CSMD1: variants seen among roughly 807,000 people sequenced by gnomAD.
The protein encoded by CSMD1 is CUB and Sushi multiple domains 1, also known as CUB and sushi domain-containing protein 1.
Under a neutral mutation model 417.5 loss-of-function variants are expected in CSMD1, and 213 were observed. That is an observed-to-expected ratio of 0.51 (90% CI 0.46 to 0.57). CSMD1 has a LOEUF of 0.57. Ranked by LOEUF, CSMD1 falls within the 20% of genes least tolerant of loss-of-function variation. CSMD1 has a pLI of 0.00. For missense variants in CSMD1, 6,923 were observed against 4,529.7 expected (o/e 1.53, Z -15.17); for synonymous variants, 2,862 against 1,736.8 (o/e 1.65, Z -16.11).
chr8:3,100,097 G>A (rs949781221), intron 46 of CSMD1, among the ~76,000 whole-genome samples: 4 of 152,006 alleles, frequency 2.6e-5, no homozygotes, highest in Non-Finnish European at 4.4e-5. Context: ...CCCAAGCCAG[G>A]CTGGAGGGCA....
At chr8:4,938,907 C>G (rs368189972) in intron 1 of CSMD1, among the ~76,000 whole-genome samples, 2 of 152,276 alleles carry the variant, frequency 1.3e-5, no homozygotes, top group African/African-American at 4.8e-5. Context: ...CGTTGAACCT[C>G]TTTTCATATA....
chr8:3,647,037 T>G (rs1797610922), intron 7 of CSMD1, among the ~76,000 whole-genome samples: 1 of 152,198 alleles, frequency 6.6e-6, no homozygotes, highest in Non-Finnish European at 1.5e-5. Flanking sequence ...CCACTTCTGG[T>G]GCTTCTTGCG....
At chr8:4,898,826 G>C (rs534914891) in intron 1 of CSMD1, among the ~76,000 whole-genome samples, 1 of 152,102 alleles carries the variant, frequency 6.6e-6, no homozygotes, top group Non-Finnish European at 1.5e-5. Context: ...TTAATCAAAA[G>C]TTGTGGCAGG....
chr8:4,683,804 A>G (rs770379622), intron 1 of CSMD1, among the ~76,000 whole-genome samples: 3 of 152,222 alleles, frequency 2.0e-5, no homozygotes, highest in Non-Finnish European at 4.4e-5. Flanking sequence ...ACAAGAAAAA[A>G]TGGCAGTAAA....
At chr8:4,689,454 T>C (rs1806614890) in intron 1 of CSMD1, among the ~76,000 whole-genome samples, 1 of 152,242 alleles carries the variant, frequency 6.6e-6, no homozygotes, top group Admixed American at 6.5e-5. Flanking sequence ...GCATTTATAT[T>C]AGAAGGATTT....
rs1585110432 is a variant in CSMD1 at position 3,708,339 on chromosome 8, GCTT to G, written c.1009+72_1009+74del. ...CGTGGGGAAGGTGGTGGGTGGGATC[GCTT>G]CTTAACTGCTCCATTCTCTCCTCTG... On this transcript the variant is annotated intron_variant, in intron 7 of 69. Transcript: ENST00000635120. The G allele has an allele frequency of 2.5e-6, 3 of 1,219,230 alleles. No individual in the cohort carries two copies. In the East Asian group the frequency reaches 7.0e-5, roughly 28 times the overall value. 75.5% of individuals were successfully genotyped at this position (1,219,230 alleles called of 1,614,324 possible). A position where few individuals can be genotyped will look rare whatever the true frequency, so the allele number is the denominator to read the frequency against.
At chr8:3,078,651 G>T (rs923413683) in intron 49 of CSMD1, among the ~76,000 whole-genome samples, 1 of 152,126 alleles carries the variant, frequency 6.6e-6, no homozygotes, top group African/African-American at 2.4e-5. Context: ...TAAAGACAAA[G>T]AATATGCCAC....
chr8:3,570,722 T>C (rs1730202579), intron 10 of CSMD1, among the ~76,000 whole-genome samples: 1 of 152,156 alleles, frequency 6.6e-6, no homozygotes, highest in South Asian at 2.1e-4. Context: ...CAGCCAAAAA[T>C]ACCCTATGGA....
intron 5 of CSMD1, among the ~76,000 whole-genome samples, chr8:3,926,192 T>G (rs1370839943): frequency 3.9e-5 from 6 of 152,100 alleles, no homozygotes; most frequent in Non-Finnish European, 5.9e-5. Context: ...TTCCCAGACA[T>G]GATTTTAAGT....
intron 3 of CSMD1, among the ~76,000 whole-genome samples, chr8:4,376,748 G>A (rs1010538184): frequency 1.3e-5 from 2 of 152,152 alleles, no homozygotes; most frequent in African/African-American, 4.8e-5. Flanking sequence ...TATTCACCCA[G>A]CTGCAATATT....
chr8:4,579,880 T>C (rs892799403), intron 2 of CSMD1, among the ~76,000 whole-genome samples: 1 of 152,192 alleles, frequency 6.6e-6, no homozygotes, highest in Non-Finnish European at 1.5e-5. Context: ...TACCTAGTTT[T>C]CCTAAGTCTT....
At chr8:4,678,765 T>A (rs902240338) in intron 1 of CSMD1, among the ~76,000 whole-genome samples, 5 of 152,174 alleles carry the variant, frequency 3.3e-5, no homozygotes, top group Non-Finnish European at 7.3e-5. Flanking sequence ...ACAGGAAAGT[T>A]GTCTCTCGTC....
At chr8:3,260,222 G>T (rs895840774) in intron 26 of CSMD1, among the ~76,000 whole-genome samples, 2 of 152,160 alleles carry the variant, frequency 1.3e-5, no homozygotes, top group Non-Finnish European at 1.5e-5. Context: ...AACTCTTTAT[G>T]CATATAACTA....
chr8:4,779,185 C>G (rs143847673), intron 1 of CSMD1, among the ~76,000 whole-genome samples: 9 of 152,266 alleles, frequency 5.9e-5, no homozygotes, highest in African/African-American at 1.9e-4. Flanking sequence ...CCAGTGGTGG[C>G]AAACATATGC....
At chr8:4,944,753 T>C (rs921982156) in intron 1 of CSMD1, among the ~76,000 whole-genome samples, 2 of 151,906 alleles carry the variant, frequency 1.3e-5, no homozygotes, top group African/African-American at 2.4e-5. Context: ...AAATAGCAAC[T>C]GTTGGCGAGG....
intron 6 of CSMD1, among the ~76,000 whole-genome samples, chr8:3,738,887 A>T: frequency 6.6e-6 from 1 of 152,202 alleles, no homozygotes; most frequent in East Asian, 1.9e-4. Context: ...TTTCATTCAT[A>T]GTCTCGAAAT....
intron 1 of CSMD1, among the ~76,000 whole-genome samples, chr8:4,749,635 T>A (rs1811178320): frequency 6.6e-6 from 1 of 152,214 alleles, no homozygotes; most frequent in South Asian, 2.1e-4. Flanking sequence ...GCGTCAAAAG[T>A]TTCACTTTAA....
intron 1 of CSMD1, among the ~76,000 whole-genome samples, chr8:4,770,509 C>T (rs1796545597): frequency 2.0e-5 from 3 of 151,150 alleles, no homozygotes; most frequent in East Asian, 1.9e-4. Flanking sequence ...ATAGCCAAAG[C>T]AATTCTGAGA....
At chr8:4,558,380 A>C (rs1009888411) in intron 2 of CSMD1, among the ~76,000 whole-genome samples, 1 of 152,152 alleles carries the variant, frequency 6.6e-6, no homozygotes. Flanking sequence ...CATCACTAAA[A>C]CGTATTTTTC....
Sources: gnomAD v4.1 joint callset for allele counts (sites outside exome capture counted in the v4.1 genomes callset) on GRCh38, gnomAD v4.1.1 for gene constraint, MANE v1.5 for transcripts, NCBI Gene and HGNC (gene_info 2026-07-23, HGNC 2026-07-21) for gene names.